PTPRD: variants seen among roughly 807,000 people sequenced by gnomAD.
PTPRD encodes receptor-type tyrosine-protein phosphatase delta.
A neutral mutation model predicts 214.5 loss-of-function variants in PTPRD; 34 were observed. That is an observed-to-expected ratio of 0.16 (90% CI 0.12 to 0.21). The LOEUF is 0.21. Among genes scored for constraint, PTPRD ranks in the 10% least tolerant of loss-of-function variants. The pLI, the probability that PTPRD is intolerant of heterozygous loss-of-function variation, is 1.00. For missense variants in PTPRD, 2,545 were observed against 2,398.7 expected (o/e 1.06, Z -1.27); for synonymous variants, 1,128 against 845.7 (o/e 1.33, Z -5.79).
At chr9:8,623,675 C>A (rs1048473352) in intron 14 of PTPRD, among the ~76,000 whole-genome samples, 1 of 151,854 alleles carries the variant, frequency 6.6e-6, no homozygotes, top group East Asian at 1.9e-4. Flanking sequence ...GGATTATCTC[C>A]TGTAATCATC....
intron 7 of PTPRD, among the ~76,000 whole-genome samples, chr9:9,621,966 A>G (rs1822103982): frequency 6.6e-6 from 1 of 152,222 alleles, no homozygotes; most frequent in African/African-American, 2.4e-5. Context: ...CCAGTCACCC[A>G]TACTGAACGG....
chr9:8,514,160 T>C (rs577309485), intron 21 of PTPRD, among the ~76,000 whole-genome samples: 15 of 152,108 alleles, frequency 9.9e-5, no homozygotes, highest in Admixed American at 6.5e-5. Context: ...TTCTGTCCAC[T>C]GGTCATATAA....
At chr9:8,397,347 G>A (rs1371826487) in intron 36 of PTPRD, among the ~76,000 whole-genome samples, 1 of 152,104 alleles carries the variant, frequency 6.6e-6, no homozygotes, top group Non-Finnish European at 1.5e-5. Context: ...TTTATTGGGT[G>A]AAATAATTGT....
rs964150771 is a variant in PTPRD, at chr9:8,691,519, G to C, written c.64+42261C>G. Among the ~76,000 whole-genome samples, 62 of 152,016 alleles carry C rather than the reference G, an allele frequency of 4.1e-4. 1 individual carries two copies. Among genetic ancestry groups the C allele is most frequent in the South Asian group, 4.1e-4 (2 of 4,822 alleles). On this transcript the variant is annotated intron_variant, in intron 12 of 45. Coordinates refer to ENST00000381196, the MANE Select transcript of PTPRD (RefSeq NM_002839.4). ...AAAAATGAACAAACCTCTCCTGGTT[G>C]GTCAGAATCTCTATAAATCTTGAAA...
intron 7 of PTPRD, among the ~76,000 whole-genome samples, chr9:9,721,191 G>A (rs1174649272): frequency 6.6e-6 from 1 of 152,046 alleles, no homozygotes; most frequent in East Asian, 1.9e-4. Flanking sequence ...AAAGAGTATA[G>A]AAAGTTGCAA....
chr9:10,203,765 C>T (rs965859853), intron 3 of PTPRD, among the ~76,000 whole-genome samples: 3 of 152,148 alleles, frequency 2.0e-5, no homozygotes, highest in Non-Finnish European at 2.9e-5. Flanking sequence ...GACAGATACA[C>T]AACCATTCTG....
intron 12 of PTPRD, among the ~76,000 whole-genome samples, chr9:8,727,812 C>G (rs968975374): frequency 6.6e-6 from 1 of 152,166 alleles, no homozygotes; most frequent in African/African-American, 2.4e-5. Flanking sequence ...GCCACCACAA[C>G]TGGCTGTTTT....
chr9:8,940,841 GA>G (rs2099029433), intron 11 of PTPRD, among the ~76,000 whole-genome samples: 2 of 139,704 alleles, frequency 1.4e-5, no homozygotes, highest in African/African-American at 5.0e-5. Flanking sequence ...TGATGATGAT[GA>G]TGATGATGAT....
chr9:10,458,379 T>C (rs1448590890), intron 2 of PTPRD, among the ~76,000 whole-genome samples: 1 of 152,166 alleles, frequency 6.6e-6, no homozygotes, highest in Non-Finnish European at 1.5e-5. Context: ...ATCTAAAAGG[T>C]TGTTTTAACA....
At chr9:8,515,747 T>C (rs2097771114) in intron 21 of PTPRD, among the ~76,000 whole-genome samples, 2 of 152,242 alleles carry the variant, frequency 1.3e-5, no homozygotes, top group African/African-American at 2.4e-5. Context: ...CTCACAGCCT[T>C]CAAAAGGAAC....
intron 2 of PTPRD, among the ~76,000 whole-genome samples, chr9:10,493,565 G>T (rs1274162482): frequency 6.6e-6 from 1 of 151,988 alleles, no homozygotes; most frequent in African/African-American, 2.4e-5. Flanking sequence ...ACTGAAACTG[G>T]ACCCCTTCCT....
intron 3 of PTPRD, among the ~76,000 whole-genome samples, chr9:10,203,077 C>G (rs1027703824): frequency 6.6e-6 from 1 of 151,564 alleles, no homozygotes; most frequent in Admixed American, 6.6e-5. Context: ...GTGTACTTCT[C>G]TTGATGTATC....
At chr9:8,517,310 T>C (rs554906514) in intron 21 of PTPRD, among the ~76,000 whole-genome samples, 1 of 152,170 alleles carries the variant, frequency 6.6e-6, no homozygotes, top group Non-Finnish European at 1.5e-5. Flanking sequence ...CTATCTGAGA[T>C]CTCGGTAACT....
At chr9:10,046,848 C>T (rs901661186) in intron 3 of PTPRD, among the ~76,000 whole-genome samples, 7 of 152,014 alleles carry the variant, frequency 4.6e-5, no homozygotes, top group South Asian at 2.1e-4. Flanking sequence ...GGAAATACCA[C>T]GAAAACTGAG....
chr9:9,666,155 T>C (rs536450987), intron 7 of PTPRD, among the ~76,000 whole-genome samples: 1 of 152,010 alleles, frequency 6.6e-6, no homozygotes, highest in East Asian at 1.9e-4. Context: ...TATATATGTA[T>C]TAAAGCAACT....
chr9:8,740,305 C>T (rs1411076469), intron 11 of PTPRD, among the ~76,000 whole-genome samples: 1 of 152,146 alleles, frequency 6.6e-6, no homozygotes, highest in Non-Finnish European at 1.5e-5. Context: ...TTTCATACTT[C>T]ATTGTATTTC....
At chr9:9,299,915 C>T (rs1442477391) in intron 9 of PTPRD, among the ~76,000 whole-genome samples, 1 of 150,434 alleles carries the variant, frequency 6.6e-6, no homozygotes, top group Non-Finnish European at 1.5e-5. Context: ...ACATTTTTTA[C>T]TCTACGTGAC....
chr9:9,991,832 C>CCA (rs56267970), intron 4 of PTPRD, among the ~76,000 whole-genome samples: 3,970 of 147,572 alleles, frequency 0.027, 160 homozygotes, highest in African/African-American at 0.08. Context: ...TTCAACAGCA[C>CCA]CACACACACA....
At chr9:9,660,583 C>T (rs2096603989) in intron 7 of PTPRD, among the ~76,000 whole-genome samples, 2 of 151,928 alleles carry the variant, frequency 1.3e-5, no homozygotes, top group African/African-American at 2.4e-5. Context: ...TGTTCAGAAA[C>T]TGAGAGTTGC....
Sources: gnomAD v4.1 joint callset for allele counts (sites outside exome capture counted in the v4.1 genomes callset) on GRCh38, gnomAD v4.1.1 for gene constraint, MANE v1.5 for transcripts, NCBI Gene and HGNC (gene_info 2026-07-23, HGNC 2026-07-21) for gene names.